LRRTM4: variants seen among roughly 807,000 people sequenced by gnomAD.
The protein encoded by LRRTM4 is leucine-rich repeat transmembrane neuronal protein 4.
In LRRTM4, 25 loss-of-function variants were observed where a neutral mutation model predicts 47.6. The ratio of observed to expected loss-of-function variants is 0.53; its 90% CI spans 0.38 to 0.73. The LOEUF (loss-of-function observed/expected upper bound fraction) is 0.73, where lower values mean the gene tolerates loss of function less well. Among genes scored for constraint, LRRTM4 ranks in the 30% least tolerant of loss-of-function variants. The pLI is 0.00. For synonymous variants in LRRTM4, 311 were observed against 269.5 expected, an observed-to-expected ratio of 1.15 and a Z score of -1.51; for missense variants, 638 against 713.4, an observed-to-expected ratio of 0.89 and a Z score of 1.20.
chr2:76,749,961 C>G (rs927648677), intron 3 of LRRTM4, among the ~76,000 whole-genome samples: 1 of 152,178 alleles, frequency 6.6e-6, no homozygotes, highest in Admixed American at 6.5e-5. Flanking sequence ...ACTCTCAGCT[C>G]TAAGTTCCCT....
At chr2:77,332,810 C>T (rs539088911) in intron 3 of LRRTM4, among the ~76,000 whole-genome samples, 1 of 152,192 alleles carries the variant, frequency 6.6e-6, no homozygotes, top group East Asian at 1.9e-4. Flanking sequence ...TTCAACTTGT[C>T]ACAATTGTAG....
chr2:76,921,827 A>G (rs184202290), intron 3 of LRRTM4, among the ~76,000 whole-genome samples: 47 of 152,240 alleles, frequency 3.1e-4, no homozygotes, highest in South Asian at 2.1e-3. Flanking sequence ...AAGCATTAGA[A>G]TCAGCCATTT....
chr2:76,827,729 C>G (rs556524263), intron 3 of LRRTM4, among the ~76,000 whole-genome samples: 8 of 151,800 alleles, frequency 5.3e-5, no homozygotes, highest in Non-Finnish European at 1.2e-4. Context: ...ATTACAAATA[C>G]ATTGCTTTAG....
At chr2:77,444,137 T>C (rs1675954190) in intron 3 of LRRTM4, among the ~76,000 whole-genome samples, 1 of 152,110 alleles carries the variant, frequency 6.6e-6, no homozygotes, top group Non-Finnish European at 1.5e-5. Flanking sequence ...CTTAGGAAGA[T>C]GATAATTAAG....
At chr2:77,192,982 G>A (rs1673714456) in intron 3 of LRRTM4, among the ~76,000 whole-genome samples, 2 of 151,996 alleles carry the variant, frequency 1.3e-5, no homozygotes, top group African/African-American at 2.4e-5. Flanking sequence ...TGCTGCATAA[G>A]GACGTTTCTG....
At chr2:77,180,926 ATATAT>A (rs753328063) in intron 3 of LRRTM4, among the ~76,000 whole-genome samples, 3 of 152,184 alleles carry the variant, frequency 2.0e-5, no homozygotes, top group Non-Finnish European at 4.4e-5. Flanking sequence ...GTACACTTAC[ATATAT>A]TATATAAATT....
chr2:77,513,287 T>C (rs984220563), intron 3 of LRRTM4, among the ~76,000 whole-genome samples: 10 of 152,140 alleles, frequency 6.6e-5, no homozygotes, highest in Non-Finnish European at 1.2e-4. Flanking sequence ...TGAATGTAAG[T>C]AGCTCAGTCT....
intron 3 of LRRTM4, among the ~76,000 whole-genome samples, chr2:77,251,884 G>A (rs1046316183): frequency 6.6e-6 from 1 of 152,114 alleles, no homozygotes; most frequent in East Asian, 1.9e-4. Context: ...GATGATATTT[G>A]GGTGGGTGGT....
intron 3 of LRRTM4, among the ~76,000 whole-genome samples, chr2:76,941,553 G>C (rs1035566922): frequency 5.3e-5 from 8 of 151,792 alleles, no homozygotes; most frequent in African/African-American, 1.9e-4. Flanking sequence ...TTATGAGTGA[G>C]AACATGCGAT....
Position 76,859,567 on chromosome 2 carries a change from A to G in LRRTM4, c.1552-110651T>C, listed in dbSNP as rs1342611715. On this transcript the variant is annotated intron_variant, in intron 3 of 3. Transcript: ENST00000409884. ...TTAATTCCTGTATCCCTAACCTACA[A>G]TATTTCCCTAACCTATGACAGTATG... 5.9e-5 allele frequency among the ~76,000 whole-genome samples: 9 copies of G among 152,150 alleles called. No individual in the cohort carries two copies. The East Asian group carries it at 1.7e-3, about 29-fold the overall frequency.
rs564213412 is a variant in LRRTM4, at chr2:76,756,142, T to G, written c.1552-7226A>C. The stretch of plus-strand genomic sequence containing the variant: ...CTGTGGTTTGCTCTCACAGCCTGAC[T>G]CTAGCACAGTATCACATGATAATTG... On this transcript the variant is annotated intron_variant, in intron 3 of 3. Coordinates refer to ENST00000409884, the MANE Select transcript of LRRTM4 (RefSeq NM_001134745.3). 3.3e-5 allele frequency among the ~76,000 whole-genome samples: 5 copies of G among 152,322 alleles called. No individual in the cohort carries two copies. The East Asian group carries it at 5.8e-4, about 18-fold the overall frequency.
At chr2:76,974,254 A>G (rs1478998413) in intron 3 of LRRTM4, among the ~76,000 whole-genome samples, 1 of 137,752 alleles carries the variant, frequency 7.3e-6, no homozygotes, top group East Asian at 2.0e-4. Flanking sequence ...ATATATATAT[A>G]CACACACATA....
intron 3 of LRRTM4, among the ~76,000 whole-genome samples, chr2:76,986,384 T>C (rs536790203): frequency 1.3e-5 from 2 of 151,254 alleles, no homozygotes; most frequent in African/African-American, 2.5e-5. Context: ...TTTCAAGATA[T>C]GATGTCTGCA....
chr2:77,005,493 C>G (rs1212266362), intron 3 of LRRTM4, among the ~76,000 whole-genome samples: 4 of 152,056 alleles, frequency 2.6e-5, no homozygotes, highest in African/African-American at 4.8e-5. Flanking sequence ...GCCAGGGGTG[C>G]AATGATACGG....
rs6740069 is a variant in LRRTM4, at chr2:77,179,656, G to C, written c.1551+338662C>G. 7.8e-3 allele frequency among the ~76,000 whole-genome samples: 1,186 copies of C among 152,174 alleles called. 18 individuals carry two copies. The highest frequency in any genetic ancestry group is 0.025 in the African/African-American group (1,040 of 41,536). ...ATTAAAAAAATTAGACCATAAAACT[G>C]TCCTAATAAGGTTGATTCGGGCTTC... On this transcript the variant is annotated intron_variant, in intron 3 of 3. Coordinates refer to ENST00000409884, the MANE Select transcript of LRRTM4 (RefSeq NM_001134745.3).
At chr2:76,902,726 A>T (rs1002830249) in intron 3 of LRRTM4, among the ~76,000 whole-genome samples, 3 of 152,170 alleles carry the variant, frequency 2.0e-5, no homozygotes, top group African/African-American at 7.2e-5. Flanking sequence ...AAGTTCTGTG[A>T]TGCACCACCA....
chr2:76,763,761 G>T (rs1327168084), intron 3 of LRRTM4, among the ~76,000 whole-genome samples: 2 of 152,074 alleles, frequency 1.3e-5, no homozygotes, highest in Admixed American at 6.5e-5. Flanking sequence ...AGAGTTTGTT[G>T]GTAGAAATAT....
Position 77,516,854 on chromosome 2 carries a change from C to A in LRRTM4, c.1551+1464G>T, listed in dbSNP as rs547456950. 56 of 984,808 alleles carry A rather than the reference C, an allele frequency of 5.7e-5. No individual in the cohort carries two copies. In the South Asian group the frequency reaches 2.3e-3, roughly 41 times the overall value. The allele number at this position is 984,808 out of a possible 1,614,324, so 61.0% of individuals were successfully genotyped here. On this transcript the variant is annotated intron_variant, in intron 3 of 3. Coordinates refer to ENST00000409884, the MANE Select transcript of LRRTM4 (RefSeq NM_001134745.3). ...GTTAGAGATTATTTCAAATTCAGTG[C>A]TTTGTCTGAAAACATTTTCATTAGC...
At chr2:76,921,302 T>C (rs544817648) in intron 3 of LRRTM4, among the ~76,000 whole-genome samples, 40 of 152,176 alleles carry the variant, frequency 2.6e-4, no homozygotes, top group African/African-American at 8.9e-4. Context: ...GGGGTTGTGT[T>C]TTTAGTAGGG....
Sources: allele counts gnomAD v4.1 joint callset (sites outside exome capture counted in the v4.1 genomes callset), GRCh38; gene constraint gnomAD v4.1.1; transcripts MANE v1.5; gene names NCBI Gene and HGNC (gene_info 2026-07-23, HGNC 2026-07-21).